Variants in CUX1 observed in about 807,000 individuals in gnomAD.
The protein encoded by CUX1 is cut like homeobox 1.
A neutral mutation model predicts 158.8 loss-of-function variants in CUX1; 31 were observed. The observed-to-expected ratio is 0.20, with a 90% CI of 0.15 to 0.26. The LOEUF (loss-of-function observed/expected upper bound fraction) is 0.26, where lower values mean the gene tolerates loss of function less well. Among genes scored for constraint, CUX1 ranks in the 10% least tolerant of loss-of-function variants. The pLI, the probability that CUX1 is intolerant of heterozygous loss-of-function variation, is 1.00. For missense variants in CUX1, 1,589 were observed against 2,014.6 expected (o/e 0.79, Z 4.04); for synonymous variants, 879 against 862.1 (o/e 1.02, Z -0.34).
intron 14 of CUX1, among the ~76,000 whole-genome samples, chr7:102,273,126 T>A (rs1791347295): frequency 6.6e-6 from 1 of 152,222 alleles, no homozygotes; most frequent in Non-Finnish European, 1.5e-5. Flanking sequence ...GGGGATTTCA[T>A]CAATCCAGAG....
At chr7:101,902,893 G>T (rs1253023319) in intron 1 of CUX1, among the ~76,000 whole-genome samples, 1 of 152,150 alleles carries the variant, frequency 6.6e-6, no homozygotes, top group Non-Finnish European at 1.5e-5. Flanking sequence ...GACTACAGTT[G>T]TGCACCACCA....
intron 2 of CUX1, among the ~76,000 whole-genome samples, chr7:102,013,632 G>T (rs941719601): frequency 6.6e-6 from 1 of 152,178 alleles, no homozygotes; most frequent in Non-Finnish European, 1.5e-5. Context: ...CGTATTTTCT[G>T]TGGCTAGTCA....
intron 1 of CUX1, chr7:101,824,795 A>G (rs940305796): frequency 1.3e-5 from 2 of 152,214 alleles, no homozygotes; most frequent in Non-Finnish European, 2.9e-5. Flanking sequence ...GAAAGATACT[A>G]TGTAAATGAA....
chr7:102,060,512 G>A (rs1004277149), intron 3 of CUX1, among the ~76,000 whole-genome samples: 2 of 149,504 alleles, frequency 1.3e-5, no homozygotes, highest in Non-Finnish European at 3.0e-5. Flanking sequence ...CAAGGAGGGA[G>A]TTACTACCCT....
intron 2 of CUX1, among the ~76,000 whole-genome samples, chr7:101,987,283 G>A (rs546621198): frequency 3.3e-5 from 5 of 152,298 alleles, no homozygotes; most frequent in South Asian, 2.1e-4. Context: ...AAACAGAGGC[G>A]CTCCTCTTGT....
intron 10 of CUX1, among the ~76,000 whole-genome samples, chr7:102,173,131 G>A (rs952180777): frequency 2.0e-5 from 3 of 151,950 alleles, no homozygotes; most frequent in Admixed American, 6.6e-5. Flanking sequence ...GGGCCGAGGC[G>A]GGCAGATCAC....
At chr7:102,076,861 C>T (rs1826785295) in intron 4 of CUX1, among the ~76,000 whole-genome samples, 1 of 151,794 alleles carries the variant, frequency 6.6e-6, no homozygotes, top group Non-Finnish European at 1.5e-5. Flanking sequence ...CGGTAAAACC[C>T]CGTCTCTACA....
At chr7:102,234,265 C>T (rs782124367) in intron 22 of CUX1, 25 bp downstream of exon 22, 2 of 1,486,868 alleles carry the variant, frequency 1.3e-6, no homozygotes, top group East Asian at 2.6e-5. Context: ...CCCGCCCGGG[C>T]CGGCTGCGTC....
intron 11 of CUX1, among the ~76,000 whole-genome samples, chr7:102,183,092 AAG>A (rs1554514474): frequency 1.3e-5 from 2 of 151,962 alleles, no homozygotes; most frequent in African/African-American, 4.8e-5. Context: ...GGTGGTATAA[AAG>A]AGGTGGTATA....
chr7:102,164,799 TCTA>T (rs1226537018), intron 9 of CUX1, among the ~76,000 whole-genome samples: 1 of 152,130 alleles, frequency 6.6e-6, no homozygotes, highest in Non-Finnish European at 1.5e-5. Flanking sequence ...AGCTCCTGGG[TCTA>T]CTTTGTTCCT....
intron 17 of CUX1, among the ~76,000 whole-genome samples, chr7:102,276,527 C>A (rs1228589479): frequency 1.3e-5 from 2 of 152,360 alleles, no homozygotes; most frequent in East Asian, 3.9e-4. Context: ...GTCTCGAACT[C>A]CTGACCTCAG....
intron 2 of CUX1, among the ~76,000 whole-genome samples, chr7:101,990,889 G>A (rs1442974737): frequency 3.9e-5 from 6 of 152,180 alleles, no homozygotes; most frequent in Non-Finnish European, 8.8e-5. Flanking sequence ...AACTCACAGC[G>A]CCGCTCAGGT....
intron 9 of CUX1, among the ~76,000 whole-genome samples, chr7:102,160,287 C>T (rs1790294651): frequency 6.6e-6 from 1 of 152,144 alleles, no homozygotes; most frequent in Non-Finnish European, 1.5e-5. Context: ...CAGTCTTGGG[C>T]ATGCCTTGCC....
In CUX1 at chr7:102,091,616, C is replaced by T. The variant is rs147327943; in HGVS notation, c.269-5748C>T. ...TCCCAAAGCACTGGGATTACAGGCA[C>T]GCACCACCCCACCCGGCCAGGATCA... On this transcript the variant is annotated intron_variant, in intron 4 of 23. Coordinates refer to ENST00000292535, the MANE Select transcript of CUX1 (RefSeq NM_181552.4). Among the ~76,000 whole-genome samples the T allele has an allele frequency of 2.9e-4, 44 of 152,194 alleles. No homozygotes were observed. The South Asian group carries it at 7.9e-3, about 27-fold the overall frequency.
intron 7 of CUX1, among the ~76,000 whole-genome samples, chr7:102,113,837 G>T (rs115567790): frequency 6.6e-6 from 1 of 152,048 alleles, no homozygotes; most frequent in Non-Finnish European, 1.5e-5. Context: ...AAATGCTGGG[G>T]GATTACAGGT....
At chr7:102,156,382 G>A (rs1163247827) in intron 8 of CUX1, among the ~76,000 whole-genome samples, 1 of 152,272 alleles carries the variant, frequency 6.6e-6, no homozygotes, top group East Asian at 1.9e-4. Context: ...TAGGGTCAAA[G>A]GGGAGGTGGA....
At chr7:101,976,047 C>T (rs1812624336) in intron 2 of CUX1, among the ~76,000 whole-genome samples, 1 of 152,096 alleles carries the variant, frequency 6.6e-6, no homozygotes, top group Admixed American at 6.6e-5. Context: ...CAGGGAGAAT[C>T]ACTTGAACCT....
At chr7:101,922,790 C>T (rs917180620) in intron 2 of CUX1, among the ~76,000 whole-genome samples, 11 of 152,166 alleles carry the variant, frequency 7.2e-5, no homozygotes, top group Admixed American at 3.3e-4. Flanking sequence ...GGTGAAGGAG[C>T]AAGGCCACCT....
At chr7:101,950,427 T>C (rs144239694) in intron 2 of CUX1, among the ~76,000 whole-genome samples, 9 of 152,180 alleles carry the variant, frequency 5.9e-5, no homozygotes, top group African/African-American at 2.2e-4. Flanking sequence ...AAAAAAAAAA[T>C]TGTAGTAAAA....
Sources: gnomAD v4.1 joint callset for allele counts (sites outside exome capture counted in the v4.1 genomes callset) on GRCh38, gnomAD v4.1.1 for gene constraint, MANE v1.5 for transcripts, NCBI Gene and HGNC (gene_info 2026-07-23, HGNC 2026-07-21) for gene names.